Variants in BIRC6 observed in about 807,000 individuals in gnomAD.
The protein encoded by BIRC6 is baculoviral IAP repeat containing 6.
In BIRC6, 98 loss-of-function variants were observed where a neutral mutation model predicts 503.3. The ratio of observed to expected loss-of-function variants is 0.19; its 90% confidence interval spans 0.17 to 0.23. The LOEUF is 0.23. Among genes scored for constraint, BIRC6 ranks in the 10% least tolerant of loss-of-function variants. The probability of loss-of-function intolerance (pLI) is 1.00; values close to 1 mark genes in which losing one functional copy is unlikely to be tolerated. For synonymous variants in BIRC6, 2,240 were observed against 2,078.7 expected, an observed-to-expected ratio of 1.08 and a Z score of -2.11; for missense variants, 5,360 against 5,806.0, an observed-to-expected ratio of 0.92 and a Z score of 2.50.
rs2048332144 is a variant in BIRC6, at chr2:32,464,646, T to C, written c.5079T>C (p.Val1693=). The C allele has an allele frequency of 1.9e-6, 3 of 1,613,856 alleles. No individual in the cohort carries two copies. In the African/African-American group the frequency reaches 4.0e-5, roughly 22 times the overall value. Residue 1693 remains valine (V), a synonymous_variant, in exon 25 of 74, where the codon GTT becomes GTC. Transcript: ENST00000421745. ...APGFFIHPSD[V]IPPTPKTTPL... is the part of the protein sequence containing the mutation. ...GATTCTTCATTCATCCATCTGATGT[T>C]ATTCCACCCACTCCAAAAACAACAC...
chr2:32,474,624 A>T (rs1402068128), intron 33 of BIRC6, among the ~76,000 whole-genome samples: 1 of 152,218 alleles, frequency 6.6e-6, no homozygotes, highest in East Asian at 1.9e-4. Flanking sequence ...AATCAGGGCG[A>T]TTAGTCATCA....
intron 65 of BIRC6, chr2:32,557,268 A>C (rs1406344122): frequency 6.6e-6 from 1 of 152,216 alleles, no homozygotes; most frequent in Non-Finnish European, 1.5e-5. Context: ...CTTCTTTCCT[A>C]TACTGACTAA....
intron 65 of BIRC6, among the ~76,000 whole-genome samples, chr2:32,561,326 C>T (rs569030941): frequency 2.0e-4 from 31 of 151,850 alleles, no homozygotes; most frequent in African/African-American, 7.5e-4. Flanking sequence ...ACTGCAACCT[C>T]CACTTCCCAA....
chr2:32,525,696 A>C, intron 59 of BIRC6, 68 bp downstream of exon 59: 1 of 1,464,612 alleles, frequency 6.8e-7, no homozygotes, highest in Non-Finnish European at 9.2e-7. Flanking sequence ...AATCAGAGGC[A>C]CAGTCACCAA....
intron 4 of BIRC6, among the ~76,000 whole-genome samples, chr2:32,389,237 A>T (rs1448997326): frequency 6.6e-6 from 1 of 152,166 alleles, no homozygotes; most frequent in African/African-American, 2.4e-5. Flanking sequence ...TAAATATTTT[A>T]GTCAAATTAA....
chr2:32,425,844 T>C (rs1016097061), intron 10 of BIRC6, among the ~76,000 whole-genome samples: 2 of 152,150 alleles, frequency 1.3e-5, no homozygotes, highest in African/African-American at 4.8e-5. Context: ...CACAACCCTA[T>C]ATATTGGGAA....
chr2:32,508,073 T>C lies in BIRC6; in HGVS notation c.9794T>C (p.Ile3265Thr). Residue 3265 changes from isoleucine to threonine, a missense_variant, in exon 51 of 74, where the codon ATA (isoleucine) becomes ACA (threonine). Ile to Thr is a moderately conservative substitution (Grantham distance 89). Transcript: ENST00000421745. ...GTTGTCACAAGTGGCCTCACCTACA[T>C]AAAAATTCAGCTTGTAAAAGCCGAA... ...TPVVTSGLTY[I>T]KIQLVKAEVA... 6.2e-7 allele frequency: 1 copy of C among 1,613,926 alleles called. No individual in the cohort carries two copies. The highest frequency in any genetic ancestry group is 1.3e-5 in the African/African-American group (1 of 75,024).
chr2:32,529,945 A>T (rs541115666), intron 60 of BIRC6, 121 bp downstream of exon 60: 1 of 609,380 alleles, frequency 1.6e-6, no homozygotes, highest in South Asian at 7.1e-5. Context: ...TAATTTTTTT[A>T]TGACTGAATT....
At chr2:32,508,855 C>T (rs775068072) in intron 51 of BIRC6, among the ~76,000 whole-genome samples, 1 of 151,966 alleles carries the variant, frequency 6.6e-6, no homozygotes, top group African/African-American at 2.4e-5. Context: ...GAGGCCAAGG[C>T]GGGCGGATCA....
chr2:32,595,381 C>CA (rs2061616170), intron 68 of BIRC6, among the ~76,000 whole-genome samples: 1 of 152,126 alleles, frequency 6.6e-6, no homozygotes, highest in Non-Finnish European at 1.5e-5. Flanking sequence ...AAATCCAAGC[C>CA]AAGTGTCTAC....
At chr2:32,541,191 G>A (rs932348421) in intron 61 of BIRC6, among the ~76,000 whole-genome samples, 25 of 151,948 alleles carry the variant, frequency 1.6e-4, no homozygotes, top group African/African-American at 6.0e-4. Context: ...ACTATCTTCT[G>A]TGCAGCATAA....
Position 32,487,788 on chromosome 2 carries a change from T to A in BIRC6, c.7955T>A (p.Val2652Asp), listed in dbSNP as rs1180757296. 14 of 1,610,810 alleles carry A rather than the reference T, an allele frequency of 8.7e-6. No individual in the cohort carries two copies. Among genetic ancestry groups the A allele is most frequent in the African/African-American group, 1.3e-5 (1 of 74,840 alleles). ...AACAAACTTTTTTCCATGCTTCAAG[T>A]CCATCATGTTCAGGTATGACTTCAG... is the stretch of plus-strand genomic sequence containing the variant. ...CFNKLFSMLQVHHVQLESLLQ... is the reference protein window; with the variant it reads ...CFNKLFSMLQDHHVQLESLLQ... Residue 2652 changes from valine to aspartate, a missense_variant, in exon 41 of 74, where the codon GTC becomes GAC. Physicochemically the swap from Val to Asp is radical, Grantham distance 152. Transcript: ENST00000421745.
At chr2:32,493,789 A>G (rs1376063404) in intron 45 of BIRC6, 122 bp downstream of exon 45, 1 of 710,774 alleles carries the variant, frequency 1.4e-6, no homozygotes, top group Admixed American at 2.8e-5. Flanking sequence ...GACGGTAGTA[A>G]TTAAGGGGGA....
chr2:32,444,057 C>T (rs1574248761), intron 20 of BIRC6, among the ~76,000 whole-genome samples: 3 of 142,588 alleles, frequency 2.1e-5, no homozygotes, highest in South Asian at 4.3e-4. Context: ...TTTAAAGCAC[C>T]TGAGGACTCT....
chr2:32,508,655 A>G (rs1343222851), intron 51 of BIRC6, among the ~76,000 whole-genome samples: 1 of 152,176 alleles, frequency 6.6e-6, no homozygotes, highest in East Asian at 1.9e-4. Flanking sequence ...TAATTCCTAA[A>G]TGTTAGTTAA....
intron 66 of BIRC6, among the ~76,000 whole-genome samples, chr2:32,585,291 T>C (rs1379875670): frequency 6.6e-6 from 1 of 152,220 alleles, no homozygotes; most frequent in African/African-American, 2.4e-5. Flanking sequence ...AATGTTCTGA[T>C]TGACGACTTA....
chr2:32,526,062 G>C (rs2149903455), intron 59 of BIRC6, among the ~76,000 whole-genome samples: 1 of 152,236 alleles, frequency 6.6e-6, no homozygotes, highest in South Asian at 2.1e-4. Flanking sequence ...TGTTGTTCAA[G>C]GTGATAACAG....
intron 6 of BIRC6, 59 bp from the exon 7 acceptor site, chr2:32,401,104 A>G (rs2149737540): frequency 7.0e-7 from 1 of 1,427,720 alleles, no homozygotes; most frequent in South Asian, 1.2e-5. Context: ...TTCTGTTTTA[A>G]TGTACAAACT....
Position 32,617,893 on chromosome 2 carries a change from T to G in BIRC6, c.14563T>G (p.Phe4855Val). Residue 4855 changes from phenylalanine (F) to valine (V), a missense_variant, in exon 74 of 74, where the codon TTC (phenylalanine) becomes GTC (valine). Coordinates refer to ENST00000421745, the MANE Select transcript of BIRC6 (RefSeq NM_016252.4). The part of the protein sequence containing the change: ...PSSSKELPSD[F>V]QL ...CAGCAGCAAAGAACTCCCCAGTGAC[T>G]TCCAGTTATGAGCTGCATTGATGTG... 6.2e-7 allele frequency: 1 copy of G among 1,612,968 alleles called. No individual in the cohort carries two copies. The highest frequency in any genetic ancestry group is 8.5e-7 in the Non-Finnish European group (1 of 1,179,290).
Sources: allele counts gnomAD v4.1 joint callset (sites outside exome capture counted in the v4.1 genomes callset), GRCh38; gene constraint gnomAD v4.1.1; transcripts MANE v1.5; gene names NCBI Gene and HGNC (gene_info 2026-07-23, HGNC 2026-07-21).